Variants in COL4A1 observed in about 807,000 individuals in gnomAD.
The protein encoded by COL4A1 is collagen alpha-1(IV) chain.
Under a neutral mutation model 216.6 loss-of-function variants are expected in COL4A1, and 40 were observed. That is an observed-to-expected ratio of 0.18 (90% CI 0.14 to 0.24). The LOEUF is 0.24. COL4A1 is among the 10% of genes least tolerant of loss of function. The probability of loss-of-function intolerance (pLI) is 1.00; values close to 1 mark genes in which losing one functional copy is unlikely to be tolerated. For missense variants in COL4A1, 1,628 were observed against 2,196.8 expected (o/e 0.74, Z 5.18); for synonymous variants, 839 against 810.7 (o/e 1.03, Z -0.59).
chr13:110,202,107 C>A (rs1026354331), intron 18 of COL4A1, among the ~76,000 whole-genome samples: 1 of 152,156 alleles, frequency 6.6e-6, no homozygotes, highest in African/African-American at 2.4e-5. Context: ...CTGGCAGCAG[C>A]TTTTGTAACA....
intron 1 of COL4A1, among the ~76,000 whole-genome samples, chr13:110,295,345 C>A (rs1019441448): frequency 6.6e-6 from 1 of 150,526 alleles, no homozygotes; most frequent in Non-Finnish European, 1.5e-5. Flanking sequence ...TAAATAACTC[C>A]TTTTTGAATT....
rs753001881 is a variant in COL4A1 at position 110,205,339 on chromosome 13, G to A, written c.957+14C>T. 2 of 1,613,960 alleles carry A rather than the reference G, an allele frequency of 1.2e-6. No individual in the cohort carries two copies. Among genetic ancestry groups the A allele is most frequent in the Non-Finnish European group, 8.5e-7 (1 of 1,179,928 alleles). Reference sequence around the variant, plus strand: ...AAAGTGAAGATAAAGGCTCACAATAGTGCCAGCGTTTACCTGCGGGCCCTG... The same window carrying A: ...AAAGTGAAGATAAAGGCTCACAATAATGCCAGCGTTTACCTGCGGGCCCTG... On this transcript the variant is annotated intron_variant, in intron 17 of 51. Coordinates refer to ENST00000375820, the MANE Select transcript of COL4A1 (RefSeq NM_001845.6).
intron 17 of COL4A1, among the ~76,000 whole-genome samples, chr13:110,204,526 A>G (rs1324756553): frequency 6.6e-6 from 1 of 152,048 alleles, no homozygotes; most frequent in Non-Finnish European, 1.5e-5. Flanking sequence ...GGTGATGACT[A>G]TTCCAAAATT....
intron 1 of COL4A1, among the ~76,000 whole-genome samples, chr13:110,300,042 T>C (rs1370279419): frequency 6.6e-6 from 1 of 152,242 alleles, no homozygotes; most frequent in Non-Finnish European, 1.5e-5. Context: ...TTGATTGTTT[T>C]ATATTACATA....
rs778541155 is a variant in COL4A1, at chr13:110,209,415, G to C, written c.628C>G (p.Pro210Ala). ...GFTGPPGPPG[P>A]PGPPGEKGQM... ...ACCTTTTCACCTGGAGGGCCGGGAG[G>C]GCCTGGGGGACCCTGGGAGAGACAG... The change falls in exon 11 of 52, where the codon CCT (proline) becomes GCT (alanine). Residue 210 changes from proline (P) to alanine (A), a missense_variant. By Grantham distance (27) the Pro-to-Ala change is conservative. Around this residue, in one of 8 missense-constraint regions of COL4A1, gnomAD observed 150 missense variants for 211.9 expected, o/e 0.71. Coordinates refer to ENST00000375820, the MANE Select transcript of COL4A1 (RefSeq NM_001845.6). 7 of 1,608,916 alleles carry C rather than the reference G, an allele frequency of 4.4e-6. No homozygotes were observed. The South Asian group carries it at 7.8e-5, about 18-fold the overall frequency.
At position 110,174,456 on chromosome 13, in the gene COL4A1, T is replaced by C; in HGVS notation, c.3396A>G (p.Lys1132=). ...AAGAGGGCCCTCTACCTGCTTCTCC[T>C]TTGACACCAGGGATGCCATCCAATC... is the stretch of plus-strand genomic sequence containing the variant. ...LPGLDGIPGV[K]GEAGLPGTPG... Residue 1132 remains lysine (K), a synonymous_variant, in exon 39 of 52, where the codon AAA becomes AAG. Coordinates refer to ENST00000375820, the MANE Select transcript of COL4A1 (RefSeq NM_001845.6). 1 of 1,613,998 alleles carries C rather than the reference T, an allele frequency of 6.2e-7. No homozygotes were observed. Among genetic ancestry groups the C allele is most frequent in the Non-Finnish European group, 8.5e-7 (1 of 1,180,006 alleles).
In COL4A1 at chr13:110,234,091, T is replaced by TA. The variant is rs141805832; in HGVS notation, c.144+8583dup. On this transcript the variant is annotated intron_variant, in intron 2 of 51. Transcript: ENST00000375820. ...GCATATGTCCCTACATGTGACATTT[T>TA]AAGTTGCTTAAGTGCTCTTATGTAC... 6.5e-3 allele frequency among the ~76,000 whole-genome samples: 997 copies of TA among 152,344 alleles called. 11 individuals are homozygous for TA. Among genetic ancestry groups the TA allele is most frequent in the African/African-American group, 0.022 (931 of 41,570 alleles).
At chr13:110,283,388 T>C (rs1883715134) in intron 1 of COL4A1, among the ~76,000 whole-genome samples, 1 of 152,248 alleles carries the variant, frequency 6.6e-6, no homozygotes, top group South Asian at 2.1e-4. Flanking sequence ...TTGATGTCAC[T>C]AATGTAGGGA....
intron 2 of COL4A1, among the ~76,000 whole-genome samples, chr13:110,219,854 A>G (rs142819532): frequency 0.43 from 35,756 of 82,308 alleles, 5,348 homozygotes; most frequent in Non-Finnish European, 0.47. Context: ...GTGTATATAT[A>G]TGTATATATG....
chr13:110,274,466 G>T (rs967478463), intron 1 of COL4A1, among the ~76,000 whole-genome samples: 2 of 152,106 alleles, frequency 1.3e-5, no homozygotes, highest in Non-Finnish European at 2.9e-5. Flanking sequence ...GGATCTGGCC[G>T]CATTCCTTGC....
intron 1 of COL4A1, among the ~76,000 whole-genome samples, chr13:110,267,953 ATC>A: frequency 6.6e-6 from 1 of 152,272 alleles, no homozygotes; most frequent in East Asian, 1.9e-4. Flanking sequence ...AGAGCTGCAC[ATC>A]TGTTATTCAC....
chr13:110,267,333 C>T (rs994533075), intron 1 of COL4A1, among the ~76,000 whole-genome samples: 7 of 152,154 alleles, frequency 4.6e-5, no homozygotes, highest in Middle Eastern at 3.2e-3. Context: ...AGAGGGAGAA[C>T]GGCGGAAAGG....
intron 49 of COL4A1, 150 bp from the exon 50 acceptor site, chr13:110,155,547 G>C: frequency 1.4e-6 from 1 of 704,968 alleles, no homozygotes; most frequent in South Asian, 1.5e-5. Context: ...CCATTGCTTA[G>C]ACTCTGAGGT....
rs368982371 is a variant in COL4A1 at position 110,164,875 on chromosome 13, C to A, written c.4137G>T (p.Pro1379=). The change falls in exon 46 of 52, where the codon CCG becomes CCT. Residue 1379 remains proline (P), a synonymous_variant. Coordinates refer to ENST00000375820, the MANE Select transcript of COL4A1 (RefSeq NM_001845.6). ...AAGCCTTCTCACCTTGCTGGCCTTT[C>A]GGGCCTGGCAGTCCCTGAAGCCCTT... The part of the protein sequence containing the change: ...GLKGLQGLPG[P]KGQQGVTGLV... 3 of 1,611,538 alleles carry A rather than the reference C, an allele frequency of 1.9e-6. No individual in the cohort carries two copies. Among genetic ancestry groups the A allele is most frequent in the Non-Finnish European group, 2.5e-6 (3 of 1,178,894 alleles).
chr13:110,262,381 C>G (rs78956489), intron 1 of COL4A1, among the ~76,000 whole-genome samples: 183 of 152,338 alleles, frequency 1.2e-3, no homozygotes, highest in African/African-American at 4.1e-3. Flanking sequence ...CAAAATGCGT[C>G]TGCCCTCCCA....
At chr13:110,205,276 T>C in intron 17 of COL4A1, 77 bp downstream of exon 17, 1 of 1,569,962 alleles carries the variant, frequency 6.4e-7, no homozygotes, top group Non-Finnish European at 8.8e-7. Context: ...GAGTCCTTTA[T>C]TCTAGGAAAG....
intron 46 of COL4A1, among the ~76,000 whole-genome samples, chr13:110,164,463 T>G (rs145739540): frequency 6.6e-6 from 1 of 152,322 alleles, no homozygotes; most frequent in African/African-American, 2.4e-5. Context: ...CAGAGAATTG[T>G]ACAGACAGTG....
chr13:110,172,645 A>G, intron 41 of COL4A1, 75 bp downstream of exon 41: 1 of 1,419,564 alleles, frequency 7.0e-7, no homozygotes, highest in East Asian at 2.3e-5. Context: ...TTCATCCTGA[A>G]GACACTGCCC....
chr13:110,264,707 C>T (rs1025869555), intron 1 of COL4A1, among the ~76,000 whole-genome samples: 3 of 152,152 alleles, frequency 2.0e-5, no homozygotes, highest in Non-Finnish European at 4.4e-5. Flanking sequence ...TTCTCTCCCT[C>T]TCCTCTCTCT....
Sources: allele counts gnomAD v4.1 joint callset (sites outside exome capture counted in the v4.1 genomes callset), GRCh38; gene constraint gnomAD v4.1.1; regional missense constraint gnomAD v4.1.1; transcripts MANE v1.5; gene names NCBI Gene and HGNC (gene_info 2026-07-23, HGNC 2026-07-21).